The following CDIN1 variants were observed in gnomAD, a reference collection of about 807,000 sequenced individuals.
CDIN1 encodes the protein CDAN1-interacting nuclease 1.
In CDIN1, 33 loss-of-function variants were observed where a neutral mutation model predicts 45.3. The observed-to-expected ratio is 0.73, with a 90% confidence interval of 0.55 to 0.97. The LOEUF is 0.97. Among genes scored for constraint, CDIN1 ranks in the 50% least tolerant of loss-of-function variants. The pLI is 0.00. For missense variants in CDIN1, 303 were observed against 339.4 expected (o/e 0.89, Z 0.84); for synonymous variants, 118 against 124.4 (o/e 0.95, Z 0.34).
intron 1 of CDIN1, among the ~76,000 whole-genome samples, chr15:36,642,959 T>C (rs1206759664): frequency 6.6e-6 from 1 of 152,158 alleles, no homozygotes; most frequent in African/African-American, 2.4e-5. Flanking sequence ...CAGAAGATTA[T>C]TGTCAGCAAC....
intron 5 of CDIN1, among the ~76,000 whole-genome samples, chr15:36,663,534 A>G (rs2041109023): frequency 6.6e-6 from 1 of 152,140 alleles, no homozygotes; most frequent in Admixed American, 6.5e-5. Flanking sequence ...GTGAGTTCTC[A>G]CAAGATCTGA....
chr15:36,672,168 GA>G (rs1418120211), intron 5 of CDIN1, among the ~76,000 whole-genome samples: 2 of 151,796 alleles, frequency 1.3e-5, no homozygotes, highest in African/African-American at 4.8e-5. Context: ...GAAATAGGGA[GA>G]AAACAGTTTT....
chr15:36,715,858 A>T (rs2043198725), intron 10 of CDIN1, among the ~76,000 whole-genome samples: 1 of 152,202 alleles, frequency 6.6e-6, no homozygotes, highest in Non-Finnish European at 1.5e-5. Flanking sequence ...CTGTGTATAG[A>T]GTACTTTGAG....
intron 10 of CDIN1, among the ~76,000 whole-genome samples, chr15:36,752,854 T>A (rs1197697742): frequency 6.6e-6 from 1 of 152,142 alleles, no homozygotes; most frequent in East Asian, 1.9e-4. Context: ...TTGATTTTTT[T>A]AAAAAAGTCC....
At chr15:36,786,395 G>A (rs1376800621) in intron 10 of CDIN1, among the ~76,000 whole-genome samples, 1 of 152,096 alleles carries the variant, frequency 6.6e-6, no homozygotes, top group Non-Finnish European at 1.5e-5. Flanking sequence ...TAAATGTATA[G>A]ATTTTTTAAT....
At chr15:36,640,964 C>G (rs1417795070) in intron 1 of CDIN1, among the ~76,000 whole-genome samples, 1 of 152,188 alleles carries the variant, frequency 6.6e-6, no homozygotes. Flanking sequence ...ATGGGAAAAT[C>G]ACACACCAGT....
intron 10 of CDIN1, among the ~76,000 whole-genome samples, chr15:36,737,502 A>G (rs1226042032): frequency 6.6e-6 from 1 of 152,212 alleles, no homozygotes; most frequent in African/African-American, 2.4e-5. Context: ...GTACTACCTC[A>G]AGAATTATGA....
Position 36,613,664 on chromosome 15 carries a change from C to T in CDIN1, c.102-30614C>T, listed in dbSNP as rs542080780. 2.9e-5 allele frequency: 41 copies of T among 1,437,564 alleles called. No homozygotes were observed. The East Asian group carries it at 4.3e-4, about 15-fold the overall frequency. 89.1% of individuals were successfully genotyped at this position (1,437,564 alleles called of 1,614,324 possible). A position where few individuals can be genotyped will look rare whatever the true frequency, so the allele number is the denominator to read the frequency against. ...CAAGCTGGTTGAAGAGGAGCTGGAC[C>T]GTGCTCAGGAGCGCCTGGCTACTGC... On this transcript the variant is annotated intron_variant, in intron 1 of 10. Coordinates refer to ENST00000566621, the MANE Select transcript of CDIN1 (RefSeq NM_001321759.2).
chr15:36,656,171 TC>T (rs1292535943), intron 4 of CDIN1, among the ~76,000 whole-genome samples: 1 of 152,196 alleles, frequency 6.6e-6, no homozygotes, highest in Non-Finnish European at 1.5e-5. Context: ...TGCCATTTTT[TC>T]CAGATAGGTA....
intron 10 of CDIN1, among the ~76,000 whole-genome samples, chr15:36,745,361 T>A (rs1277276769): frequency 2.0e-5 from 3 of 152,292 alleles, no homozygotes; most frequent in South Asian, 4.1e-4. Context: ...TTATATATAT[T>A]TTTAAATTAA....
At chr15:36,605,893 C>T (rs557438064) in intron 1 of CDIN1, among the ~76,000 whole-genome samples, 13 of 152,248 alleles carry the variant, frequency 8.5e-5, no homozygotes, top group African/African-American at 2.4e-4. Context: ...GTTCAGTGAA[C>T]GGCTTGAAGT....
rs1346470605 is a variant in CDIN1 at position 36,760,462 on chromosome 15, C to T, written c.717-47862C>T. On this transcript the variant is annotated intron_variant, in intron 10 of 10. Transcript: ENST00000566621. Reference sequence around the variant, plus strand: ...CAGTTGTCTAGTAACCTAAAACAAACAGAAACAAAGGTAGCTTGCACATAT... The same window carrying T: ...CAGTTGTCTAGTAACCTAAAACAAATAGAAACAAAGGTAGCTTGCACATAT... Among the ~76,000 whole-genome samples, 3 of 152,176 alleles carry T rather than the reference C, an allele frequency of 2.0e-5. No individual in the cohort carries two copies. The East Asian group carries it at 5.8e-4, about 29-fold the overall frequency.
intron 2 of CDIN1, 96 bp from the exon 3 acceptor site, chr15:36,645,127 C>G (rs890889985): frequency 1.1e-6 from 1 of 944,886 alleles, no homozygotes; most frequent in Non-Finnish European, 1.7e-6. Context: ...TCCCTATGTG[C>G]TAGTCACTGG....
chr15:36,627,256 A>G (rs1040717761), intron 1 of CDIN1: 4 of 165,412 alleles, frequency 2.4e-5, no homozygotes, highest in Non-Finnish European at 2.7e-5. Flanking sequence ...CATGTGATCA[A>G]GGAGTGCATG....
intron 10 of CDIN1, chr15:36,747,112 C>G (rs2044473525): frequency 1.0e-5 from 4 of 396,138 alleles, no homozygotes. Flanking sequence ...GGAAATTTCT[C>G]AGCAGTTAGT....
At position 36,691,735 on chromosome 15, in the gene CDIN1, G is replaced by A. The variant is rs2042258708; in HGVS notation, c.397G>A (p.Asp133Asn). Reference sequence around the variant, plus strand: ...GCTACGGGACCCTTCTCAGATTCCAGATGGAGTTCTAGCAAATCAGGTCTA... The same window carrying A: ...GCTACGGGACCCTTCTCAGATTCCAAATGGAGTTCTAGCAAATCAGGTCTA... ...SMLRDPSQIP[D>N]GVLANQVYQC... The change falls in exon 6 of 11, where the codon GAT becomes AAT. Residue 133 changes from aspartate to asparagine, a missense_variant. Transcript: ENST00000566621. 4 of 1,603,110 alleles carry A rather than the reference G, an allele frequency of 2.5e-6. No homozygotes were observed. Among genetic ancestry groups the A allele is most frequent in the Non-Finnish European group, 3.4e-6 (4 of 1,174,094 alleles).
At chr15:36,759,731 A>G (rs1407336611) in intron 10 of CDIN1, among the ~76,000 whole-genome samples, 2 of 152,202 alleles carry the variant, frequency 1.3e-5, no homozygotes, top group Non-Finnish European at 2.9e-5. Flanking sequence ...TACAGAAGGC[A>G]TGACTGGGGA....
At chr15:36,736,825 A>G (rs2044039475) in intron 10 of CDIN1, among the ~76,000 whole-genome samples, 2 of 151,940 alleles carry the variant, frequency 1.3e-5, no homozygotes, top group African/African-American at 4.8e-5. Flanking sequence ...ACACTTCCCT[A>G]CTTCTAGCCA....
intron 5 of CDIN1, among the ~76,000 whole-genome samples, chr15:36,672,469 C>T (rs1036476318): frequency 2.0e-5 from 3 of 151,986 alleles, no homozygotes; most frequent in African/African-American, 7.3e-5. Flanking sequence ...TGCATCCTAG[C>T]AGTGAAGGCC....
Sources: allele counts gnomAD v4.1 joint callset (sites outside exome capture counted in the v4.1 genomes callset), GRCh38; gene constraint gnomAD v4.1.1; transcripts MANE v1.5; gene names NCBI Gene and HGNC (gene_info 2026-07-23, HGNC 2026-07-21).